DIP2A: variants seen among roughly 807,000 people sequenced by gnomAD.
DIP2A encodes disco-interacting protein 2 homolog A.
In DIP2A, 85 loss-of-function variants were observed where a neutral mutation model predicts 177.4. The observed-to-expected ratio is 0.48, with a 90% CI of 0.40 to 0.57. DIP2A has a LOEUF of 0.57. Among genes scored for constraint, DIP2A ranks in the 20% least tolerant of loss-of-function variants. The pLI is 0.00. For missense variants in DIP2A, 1,791 were observed against 2,100.2 expected (o/e 0.85, Z 2.88); for synonymous variants, 886 against 881.8 (o/e 1.00, Z -0.08).
rs544070705 is a variant in DIP2A at position 46,491,825 on chromosome 21, G to T, written c.283+1106G>T. On this transcript the variant is annotated intron_variant, in intron 3 of 37. Transcript: ENST00000417564. Reference sequence around the variant, plus strand: ...TCATGGAAGTGATGTTAATAAACTGGTTTCTGCCCTTGTGAAGTTTATACT... The same window carrying T: ...TCATGGAAGTGATGTTAATAAACTGTTTTCTGCCCTTGTGAAGTTTATACT... Among the ~76,000 whole-genome samples, 6 of 152,142 alleles carry T rather than the reference G, an allele frequency of 3.9e-5. No individual in the cohort carries two copies. In the South Asian group the frequency reaches 1.2e-3, roughly 32 times the overall value.
At chr21:46,493,863 G>C (rs975018671) in intron 3 of DIP2A, among the ~76,000 whole-genome samples, 9 of 152,152 alleles carry the variant, frequency 5.9e-5, no homozygotes, top group African/African-American at 9.7e-5. Flanking sequence ...TTGTATTATA[G>C]CTCCCCTGGA....
At position 46,563,778 on chromosome 21, in the gene DIP2A, A is replaced by G. The variant is rs2060747288; in HGVS notation, c.4090-80A>G. The G allele has an allele frequency of 1.3e-6, 2 of 1,555,172 alleles. No homozygotes were observed. The highest frequency in any genetic ancestry group is 2.7e-5 in the African/African-American group (2 of 73,326). On this transcript the variant is annotated intron_variant, in intron 34 of 37. Coordinates refer to ENST00000417564, the MANE Select transcript of DIP2A (RefSeq NM_015151.4). This position sits in a 1 kb window ranked among gnomAD's most constrained non-coding sequence, Gnocchi z 4.3. The stretch of plus-strand genomic sequence containing the variant: ...AGTCCTGCAGGCCAGCTTCTGAGGG[A>G]CGTTATTTTAATGTCACTGAATCAA...
rs1190115994 is a variant in DIP2A at position 46,568,486 on chromosome 21, C to G, written c.*864C>G. The G allele has an allele frequency of 6.6e-6, 1 of 152,160 alleles. No homozygotes were observed. The highest frequency in any genetic ancestry group is 1.5e-5 in the Non-Finnish European group (1 of 68,042). 9.4% of individuals were successfully genotyped at this position (152,160 alleles called of 1,614,324 possible). On this transcript the variant is annotated 3_prime_UTR_variant, in exon 38 of 38. Transcript: ENST00000417564. ...AGTGAGCCGAGATCACGCTACTGCA[C>G]TCCAGCCTGGGTGACAGCACGAGAT...
At chr21:46,491,241 A>G (rs1568958380) in intron 3 of DIP2A, among the ~76,000 whole-genome samples, 1 of 151,630 alleles carries the variant, frequency 6.6e-6, no homozygotes, top group Non-Finnish European at 1.5e-5. Flanking sequence ...CACATTTTCT[A>G]TTATAGTTTA....
chr21:46,558,729 A>C (rs565288551), intron 32 of DIP2A: 5 of 291,098 alleles, frequency 1.7e-5, no homozygotes, highest in Non-Finnish European at 2.6e-5. Flanking sequence ...TATTAAATTG[A>C]AACATTAATA....
At chr21:46,571,889 C>G (rs8130676), downstream of DIP2A, among the ~76,000 whole-genome samples, 56,287 of 151,986 alleles carry the variant, frequency 0.37, 11,854 homozygotes, top group African/African-American at 0.58. Context: ...AATATGCTTT[C>G]TTTCTTTCTC....
rs2060925834 is a variant in DIP2A at position 46,569,575 on chromosome 21, G to A, written c.*1953G>A. The A allele has an allele frequency of 6.6e-6, 1 of 152,100 alleles. No individual in the cohort carries two copies. The highest frequency in any genetic ancestry group is 2.1e-4 in the South Asian group (1 of 4,818). 9.4% of individuals were successfully genotyped at this position (152,100 alleles called of 1,614,324 possible). On this transcript the variant is annotated 3_prime_UTR_variant, in exon 38 of 38. Transcript: ENST00000417564. ...AGCTTTTTGTATTGAAAGGTCAGTGGTGGTAAGACAAGGTGTCTTGTAAAT... is the reference window on the plus strand; with the variant it reads ...AGCTTTTTGTATTGAAAGGTCAGTGATGGTAAGACAAGGTGTCTTGTAAAT...
At chr21:46,542,550 C>T (rs907405844) in intron 18 of DIP2A, among the ~76,000 whole-genome samples, 4 of 152,248 alleles carry the variant, frequency 2.6e-5, no homozygotes, top group African/African-American at 7.2e-5. Context: ...TAGGCCTGAC[C>T]GTCATGTTAG....
At chr21:46,539,333 C>A (rs773163689) in intron 16 of DIP2A, 3 of 175,994 alleles carry the variant, frequency 1.7e-5, no homozygotes, top group Admixed American at 5.7e-5. Context: ...CTTATCCCCT[C>A]TCCAGTGTGG....
intron 1 of DIP2A, among the ~76,000 whole-genome samples, chr21:46,477,007 A>G (rs780950160): frequency 1.3e-5 from 2 of 152,108 alleles, no homozygotes; most frequent in Non-Finnish European, 1.5e-5. Context: ...TAGGCCGTGG[A>G]TATGTAAAAA....
chr21:46,573,948 C>T (rs1179428469), downstream of DIP2A, among the ~76,000 whole-genome samples: 1 of 151,926 alleles, frequency 6.6e-6, no homozygotes, highest in Non-Finnish European at 1.5e-5. Context: ...ATGGATGGAA[C>T]AATAAGACAT....
At position 46,539,793 on chromosome 21, in the gene DIP2A, G is replaced by GCAGGC. The variant is rs2059732286; in HGVS notation, c.1922-83_1922-82insAGGCC. The GCAGGC allele has an allele frequency of 8.7e-6, 10 of 1,147,090 alleles. No individual in the cohort carries two copies. In the African/African-American group the frequency reaches 1.4e-4, roughly 16 times the overall value. 71.1% of individuals were successfully genotyped at this position (1,147,090 alleles called of 1,614,324 possible). A position where few individuals can be genotyped will look rare whatever the true frequency, so the allele number is the denominator to read the frequency against. Reference sequence around the variant, plus strand: ...CCTGTGGTTCCGATGGCCGCAGGCTGCGCTAACTTGAGCATGTCCAGCCAC... The same window carrying GCAGGC: ...CCTGTGGTTCCGATGGCCGCAGGCTGCAGGCCGCTAACTTGAGCATGTCCAGCCAC... On this transcript the variant is annotated intron_variant, in intron 16 of 37. Transcript: ENST00000417564.
At chr21:46,494,860 G>A (rs946308938) in intron 3 of DIP2A, among the ~76,000 whole-genome samples, 2 of 152,124 alleles carry the variant, frequency 1.3e-5, no homozygotes, top group African/African-American at 2.4e-5. Flanking sequence ...TTCCTGGTTG[G>A]CTGTTAGGAT....
chr21:46,563,875 G>A lies in DIP2A; in HGVS notation c.4107G>A (p.Lys1369=), dbSNP rs1303315962. 6.2e-7 allele frequency: 1 copy of A among 1,613,390 alleles called. No homozygotes were observed. Among genetic ancestry groups the A allele is most frequent in the Admixed American group, 1.7e-5 (1 of 59,974 alleles). The change falls in exon 35 of 38, where the codon AAG becomes AAA. Residue 1369 remains lysine (K), a synonymous_variant. Transcript: ENST00000417564. The surrounding 1 kb of genome is among the most constrained non-coding windows in gnomAD (Gnocchi z 4.3). Reference sequence around the variant, plus strand: ...CCTTCCAGATCCTCCCCGGCGTGAAGGTCATCATCGCACACACCGAGACCA... The same window carrying A: ...CCTTCCAGATCCTCCCCGGCGTGAAAGTCATCATCGCACACACCGAGACCA... ...MESGKILPGV[K]VIIAHTETKG... is the part of the protein sequence containing the mutation.
At position 46,569,907 on chromosome 21, in the gene DIP2A, C is replaced by G. The variant is rs1166628243; in HGVS notation, c.*2285C>G. 2 of 150,874 alleles carry G rather than the reference C, an allele frequency of 1.3e-5. No individual in the cohort carries two copies. Among genetic ancestry groups the G allele is most frequent in the Non-Finnish European group, 2.9e-5 (2 of 67,952 alleles). The allele number at this position is 150,874 out of a possible 1,614,324, so 9.3% of individuals were successfully genotyped here. A position where few individuals can be genotyped will look rare whatever the true frequency, so the allele number is the denominator to read the frequency against. On this transcript the variant is annotated 3_prime_UTR_variant, in exon 38 of 38. Transcript: ENST00000417564. ...GCAGCATTCGTATGTAACATAAACC[C>G]TCTCAGGGATTTATTTTTTCTTTTT...
intron 35 of DIP2A, among the ~76,000 whole-genome samples, chr21:46,564,257 C>T (rs1456640175): frequency 3.3e-5 from 5 of 152,208 alleles, no homozygotes; most frequent in East Asian, 3.9e-4. Flanking sequence ...GCAGCTGCTA[C>T]GTAAACGTGG....
At chr21:46,573,581 T>C (rs2060979276), downstream of DIP2A, among the ~76,000 whole-genome samples, 1 of 134,976 alleles carries the variant, frequency 7.4e-6, no homozygotes, top group African/African-American at 2.9e-5. Context: ...TGGGTGGAGA[T>C]TGCAGTGCAC....
At chr21:46,468,798 C>T (rs2055091749) in intron 1 of DIP2A, among the ~76,000 whole-genome samples, 1 of 152,070 alleles carries the variant, frequency 6.6e-6, no homozygotes, top group African/African-American at 2.4e-5. Context: ...CCTTTAAATT[C>T]ATCAAAATTT....
chr21:46,526,328 C>T (rs1240505278), intron 8 of DIP2A, among the ~76,000 whole-genome samples: 1 of 151,614 alleles, frequency 6.6e-6, no homozygotes, highest in Admixed American at 6.6e-5. Context: ...TTTCTTGTGA[C>T]AGTCTCAAGT....
Sources: gnomAD v4.1 joint callset for allele counts (sites outside exome capture counted in the v4.1 genomes callset) on GRCh38, gnomAD v4.1.1 for gene constraint, Gnocchi (gnomAD v3.1) non-coding constraint, MANE v1.5 for transcripts, NCBI Gene and HGNC (gene_info 2026-07-23, HGNC 2026-07-21) for gene names.